RABGAP1: variants seen among roughly 807,000 people sequenced by gnomAD.
RABGAP1 encodes the protein rab GTPase-activating protein 1.
Under a neutral mutation model 137.6 loss-of-function variants are expected in RABGAP1, and 23 were observed. The observed-to-expected ratio is 0.17, with a 90% CI of 0.12 to 0.24. The LOEUF is 0.24. Ranked by LOEUF, RABGAP1 falls within the 10% of genes least tolerant of loss-of-function variation. RABGAP1 has a pLI of 1.00. For missense variants in RABGAP1, 906 were observed against 1,275.8 expected, an observed-to-expected ratio of 0.71 and a Z score of 4.42; for synonymous variants, 451 against 450.7, an observed-to-expected ratio of 1.00 and a Z score of -0.01.
intron 10 of RABGAP1, among the ~76,000 whole-genome samples, chr9:123,007,199 G>A (rs1457366187): frequency 6.6e-6 from 1 of 151,922 alleles, no homozygotes; most frequent in African/African-American, 2.4e-5. Context: ...TCAGCCTCCA[G>A]AGTAGCTGGG....
intron 18 of RABGAP1, 112 bp downstream of exon 18, chr9:123,076,398 A>AGTG: frequency 7.8e-7 from 1 of 1,284,234 alleles, no homozygotes. Flanking sequence ...TACCCATGAC[A>AGTG]GTGGATGTAT....
rs888460368 is a variant in RABGAP1, at chr9:122,984,597, T to C, written c.263T>C (p.Leu88Pro). ...AAGGAGCTTGTGAAAAGGTCACAAC[T>C]GGATGGTGAAGGAGATGGGCCTCTT... ...GEKELVKRSQ[L>P]DGEGDGPLSN... The change falls in exon 3 of 26, where the codon CTG becomes CCG. Residue 88 changes from leucine to proline, a missense_variant. By Grantham distance (98) the Leu-to-Pro change is moderately conservative. Coordinates refer to ENST00000373647, the MANE Select transcript of RABGAP1 (RefSeq NM_012197.4). The C allele has an allele frequency of 1.2e-6, 2 of 1,614,080 alleles. No individual in the cohort carries two copies. The highest frequency in any genetic ancestry group is 8.5e-7 in the Non-Finnish European group (1 of 1,180,042).
At position 123,073,573 on chromosome 9, in the gene RABGAP1, A is replaced by G; in HGVS notation, c.2005A>G (p.Ser669Gly). 3 of 1,613,414 alleles carry G rather than the reference A, an allele frequency of 1.9e-6. No individual in the cohort carries two copies. Among genetic ancestry groups the G allele is most frequent in the Admixed American group, 1.7e-5 (1 of 59,924 alleles). Residue 669 changes from serine (S) to glycine (G), a missense_variant, in exon 16 of 26, where the codon AGT becomes GGT. Physicochemically the swap from Ser to Gly is moderately conservative, Grantham distance 56. Coordinates refer to ENST00000373647, the MANE Select transcript of RABGAP1 (RefSeq NM_012197.4). ...LLHMPEEQAF[S>G]VLVKIMFDYG... is the part of the protein sequence containing the mutation. Reference sequence around the variant, plus strand: ...ACAGATGCCTGAAGAACAGGCATTCAGTGTTCTGGTCAAGATCATGTTTGA... The same window carrying G: ...ACAGATGCCTGAAGAACAGGCATTCGGTGTTCTGGTCAAGATCATGTTTGA...
chr9:122,948,725 G>T (rs999475263), intron 1 of RABGAP1, among the ~76,000 whole-genome samples: 1 of 152,104 alleles, frequency 6.6e-6, no homozygotes, highest in African/African-American at 2.4e-5. Flanking sequence ...TATATTTTTT[G>T]TGACTGTGTT....
chr9:123,002,468 A>G lies in RABGAP1; in HGVS notation c.1374+3702A>G, dbSNP rs1169342224. 2.6e-5 allele frequency among the ~76,000 whole-genome samples: 4 copies of G among 151,196 alleles called. No individual in the cohort carries two copies. In the East Asian group the frequency reaches 7.7e-4, roughly 29 times the overall value. ...GTTTAATTAGCATTCTAACCCTTTA[A>G]TCTCATTTTAGTGAACATAAATAAG... On this transcript the variant is annotated intron_variant, in intron 10 of 25. Coordinates refer to ENST00000373647, the MANE Select transcript of RABGAP1 (RefSeq NM_012197.4).
rs995047885 is a variant in RABGAP1 at position 122,975,175 on chromosome 9, C to A, written c.151-9310C>A. Among the ~76,000 whole-genome samples, 12 of 152,282 alleles carry A rather than the reference C, an allele frequency of 7.9e-5. No homozygotes were observed. In the South Asian group the frequency reaches 1.0e-3, roughly 13 times the overall value. On this transcript the variant is annotated intron_variant, in intron 2 of 25. Coordinates refer to ENST00000373647, the MANE Select transcript of RABGAP1 (RefSeq NM_012197.4). ...TCATCAGGAATTCGTCTTTAATTTTCTGATCATCTAGGGACTTCTCAAGCA... is the reference window on the plus strand; with the variant it reads ...TCATCAGGAATTCGTCTTTAATTTTATGATCATCTAGGGACTTCTCAAGCA...
intron 10 of RABGAP1, among the ~76,000 whole-genome samples, chr9:123,008,130 G>C (rs898830229): frequency 6.6e-6 from 1 of 152,046 alleles, no homozygotes; most frequent in Non-Finnish European, 1.5e-5. Flanking sequence ...TTCATAGTTA[G>C]AGTCCTTGGC....
chr9:122,962,371 C>G (rs1227641002), intron 2 of RABGAP1, among the ~76,000 whole-genome samples: 1 of 149,844 alleles, frequency 6.7e-6, no homozygotes, highest in Admixed American at 6.8e-5. Flanking sequence ...CCCCACAAAT[C>G]AGCCAGGCAT....
intron 10 of RABGAP1, among the ~76,000 whole-genome samples, chr9:123,008,670 A>G (rs983835997): frequency 2.6e-5 from 4 of 152,150 alleles, no homozygotes; most frequent in African/African-American, 9.7e-5. Context: ...TTAAAGTATA[A>G]TTTTCAAGAG....
chr9:123,086,051 A>G (rs1396271666), intron 19 of RABGAP1, among the ~76,000 whole-genome samples: 1 of 152,246 alleles, frequency 6.6e-6, no homozygotes, highest in Non-Finnish European at 1.5e-5. Context: ...ACAATTAAGT[A>G]GAAACCTAAG....
At chr9:122,996,263 G>C (rs1837017954) in intron 7 of RABGAP1, 112 bp downstream of exon 7, 1 of 1,432,920 alleles carries the variant, frequency 7.0e-7, no homozygotes, top group African/African-American at 1.5e-5. Flanking sequence ...TTGTTCCCTA[G>C]GAAATTATTT....
At chr9:123,005,002 G>A (rs2030084542) in intron 10 of RABGAP1, among the ~76,000 whole-genome samples, 1 of 144,476 alleles carries the variant, frequency 6.9e-6, no homozygotes, top group Admixed American at 7.3e-5. Flanking sequence ...GTTGCAGTGA[G>A]CCGAGATCGC....
chr9:123,082,046 ATCT>A (rs1483303542), intron 19 of RABGAP1, among the ~76,000 whole-genome samples: 17 of 148,284 alleles, frequency 1.1e-4, no homozygotes, highest in Admixed American at 6.0e-4. Flanking sequence ...AAAAATGTCT[ATCT>A]TCTTCTCGGT....
chr9:123,089,801 C>G lies in RABGAP1; in HGVS notation c.2468C>G (p.Thr823Ser). The G allele has an allele frequency of 6.2e-7, 1 of 1,613,806 alleles. No individual in the cohort carries two copies. Among genetic ancestry groups the G allele is most frequent in the South Asian group, 1.1e-5 (1 of 91,048 alleles). The change falls in exon 20 of 26, where the codon ACC (threonine) becomes AGC (serine). Residue 823 changes from threonine to serine, a missense_variant. By Grantham distance (58) the Thr-to-Ser change is moderately conservative (BLOSUM62 1). Transcript: ENST00000373647. ...KLKKYEKEYH[T>S]MREQQAQQED... ...AAAAAATACGAGAAAGAATATCACA[C>G]CATGAGGGAACAGCAGGCCCAGCAA...
intron 2 of RABGAP1, among the ~76,000 whole-genome samples, chr9:122,974,123 G>A (rs551042094): frequency 6.6e-6 from 1 of 152,306 alleles, no homozygotes; most frequent in South Asian, 2.1e-4. Flanking sequence ...TTATAGTGGT[G>A]GTGGCAGTGG....
chr9:122,968,170 TCCA>T (rs1835274395), intron 2 of RABGAP1, among the ~76,000 whole-genome samples: 1 of 151,908 alleles, frequency 6.6e-6, no homozygotes, highest in Non-Finnish European at 1.5e-5. Flanking sequence ...AAATAGGGTA[TCCA>T]TTACCTTAAG....
chr9:123,071,199 C>A (rs1168590044), intron 15 of RABGAP1, among the ~76,000 whole-genome samples: 1 of 152,122 alleles, frequency 6.6e-6, no homozygotes, highest in Non-Finnish European at 1.5e-5. Flanking sequence ...CAATTTTCTC[C>A]CAATTGTCTA....
At chr9:123,013,326 C>T (rs996639476) in intron 11 of RABGAP1, among the ~76,000 whole-genome samples, 4 of 123,644 alleles carry the variant, frequency 3.2e-5, no homozygotes, top group Admixed American at 8.9e-5. Context: ...ACCTTAGTGC[C>T]CTTGAGCCTT....
chr9:123,033,953 T>C (rs1310762008), intron 13 of RABGAP1, among the ~76,000 whole-genome samples: 2 of 152,092 alleles, frequency 1.3e-5, no homozygotes, highest in African/African-American at 2.4e-5. Context: ...AATCTGACTG[T>C]GATTGGTTTT....
Sources: allele counts gnomAD v4.1 joint callset (sites outside exome capture counted in the v4.1 genomes callset), GRCh38; gene constraint gnomAD v4.1.1; transcripts MANE v1.5; gene names NCBI Gene and HGNC (gene_info 2026-07-23, HGNC 2026-07-21).